The following PPP6C variants were observed in gnomAD, a reference collection of about 807,000 sequenced individuals.
The protein encoded by PPP6C is serine/threonine-protein phosphatase 6 catalytic subunit.
Under a neutral mutation model 39.8 loss-of-function variants are expected in PPP6C, and 11 were observed. The ratio of observed to expected loss-of-function variants is 0.28; its 90% CI spans 0.17 to 0.46. The LOEUF is 0.46. PPP6C is among the 20% of genes least tolerant of loss of function. PPP6C has a pLI of 1.00. For missense variants in PPP6C, 211 were observed against 373.9 expected, an observed-to-expected ratio of 0.56 and a Z score of 3.59; for synonymous variants, 129 against 130.3, an observed-to-expected ratio of 0.99 and a Z score of 0.07.
intron 2 of PPP6C, among the ~76,000 whole-genome samples, chr9:125,161,548 A>T (rs988958311): frequency 5.9e-5 from 9 of 152,010 alleles, no homozygotes; most frequent in African/African-American, 2.2e-4. Flanking sequence ...GGCTCAAGTA[A>T]CCCTCCTACC....
intron 2 of PPP6C, among the ~76,000 whole-genome samples, chr9:125,166,271 T>A (rs986716484): frequency 2.0e-5 from 3 of 152,234 alleles, no homozygotes; most frequent in African/African-American, 7.2e-5. Context: ...TCGGAAACTG[T>A]TAGCCCCATA....
Position 125,160,877 on chromosome 9 carries a change from A to G in PPP6C, c.201T>C (p.Thr67=), listed in dbSNP as rs371607394. 35 of 1,591,544 alleles carry G rather than the reference A, an allele frequency of 2.2e-5. No individual in the cohort carries two copies. In the African/African-American group the frequency reaches 4.5e-4, roughly 20 times the overall value. The part of the protein sequence containing the change: ...QFYDLCELFR[T]GGQVPDTNYI... ...AGTTTGTGTCAGGAACCTGACCTCC[A>G]GTTCTGAACAGTTCACAAAGGTCAT... The change falls in exon 3 of 7, where the codon ACT becomes ACC. Residue 67 remains threonine, a synonymous_variant. Transcript: ENST00000373547.
Position 125,189,020 on chromosome 9 carries a change from G to A in PPP6C, c.75+624C>T, listed in dbSNP as rs1346915778. The A allele has an allele frequency of 3.1e-5, 36 of 1,162,486 alleles. 1 individual carries two copies. The East Asian group carries it at 9.3e-4, about 30-fold the overall frequency. 72.0% of individuals were successfully genotyped at this position (1,162,486 alleles called of 1,614,324 possible). A position where few individuals can be genotyped will look rare whatever the true frequency, so the allele number is the denominator to read the frequency against. ...CCAACTACTTTATCCACTTCAGTAA[G>A]CTCAACAACATACTCAGAAACGGGA... On this transcript the variant is annotated intron_variant, in intron 1 of 6. Transcript: ENST00000373547.
chr9:125,173,404 CAAAAAAAA>C (rs1157793278), intron 1 of PPP6C, among the ~76,000 whole-genome samples: 3 of 50,772 alleles, frequency 5.9e-5, no homozygotes, highest in South Asian at 9.0e-4. Context: ...GACTCCCTCT[CAAAAAAAA>C]AAAAAAAAAA....
intron 1 of PPP6C, among the ~76,000 whole-genome samples, chr9:125,180,095 T>C (rs1829390863): frequency 6.6e-6 from 1 of 152,174 alleles, no homozygotes; most frequent in South Asian, 2.1e-4. Context: ...GACACTTTCA[T>C]CACCCCAAAA....
chr9:125,170,329 C>T (rs553922729), intron 2 of PPP6C, among the ~76,000 whole-genome samples: 14 of 151,942 alleles, frequency 9.2e-5, no homozygotes, highest in African/African-American at 2.7e-4. Context: ...CTTCACCTCC[C>T]GGGTTCAAGA....
In PPP6C at chr9:125,153,566, T is replaced by C. The variant is rs1836001948; in HGVS notation, c.636A>G (p.Ala212=). The C allele has an allele frequency of 1.2e-6, 2 of 1,614,190 alleles. No individual in the cohort carries two copies. Among genetic ancestry groups the C allele is most frequent in the South Asian group, 2.2e-5 (2 of 91,090 alleles). The change falls in exon 6 of 7, where the codon GCA becomes GCG. Residue 212 remains alanine (A), a synonymous_variant. Transcript: ENST00000373547. ...TGACCTTTGCTCCAAAAAGCCAACC[T>C]GCTCCTCGGGGACTGATAGCCCAGG... ...VDTWAISPRG[A]GWLFGAKVTN... is the part of the protein sequence containing the mutation.
chr9:125,151,857 T>A (rs779205471), intron 6 of PPP6C, among the ~76,000 whole-genome samples: 30 of 152,232 alleles, frequency 2.0e-4, no homozygotes, highest in Non-Finnish European at 4.3e-4. Context: ...TGTTACAAGA[T>A]TTCAGACTTT....
At chr9:125,173,333 G>C (rs1377715276) in intron 1 of PPP6C, among the ~76,000 whole-genome samples, 1 of 150,216 alleles carries the variant, frequency 6.7e-6, no homozygotes, top group South Asian at 2.1e-4. Context: ...TTGAATCTGG[G>C]AGGCAAAGGT....
In PPP6C at chr9:125,171,581, TCTCA is replaced by T. The variant is rs1186494453; in HGVS notation, c.76-405_76-402del. Reference sequence around the variant, plus strand: ...TTGTTTTTTTTTTTTTTAAACGGAGTCTCACTCTGTCTCCCAGGCTGAAATGCAG... The same window carrying T: ...TTGTTTTTTTTTTTTTTAAACGGAGTCTCTGTCTCCCAGGCTGAAATGCAG... On this transcript the variant is annotated intron_variant, in intron 1 of 6. Coordinates refer to ENST00000373547, the MANE Select transcript of PPP6C (RefSeq NM_002721.5). 2.3e-4 allele frequency among the ~76,000 whole-genome samples: 34 copies of T among 145,640 alleles called. No individual in the cohort carries two copies. In the Admixed American group the frequency reaches 2.4e-3, roughly 10 times the overall value.
At chr9:125,151,123 G>A (rs1835928780) in intron 6 of PPP6C, 4 of 1,373,076 alleles carry the variant, frequency 2.9e-6, no homozygotes, top group Admixed American at 1.7e-5. Flanking sequence ...GAATATCTCT[G>A]AGCAGAAGAA....
Position 125,147,642 on chromosome 9 carries a change from T to G in PPP6C, c.*2031A>C, listed in dbSNP as rs994583108. The stretch of plus-strand genomic sequence containing the variant: ...ACGTGCCCAACTAGTGACAAACAAA[T>G]GCAGTACACAATGACTTAAAAATAA... On this transcript the variant is annotated 3_prime_UTR_variant, in exon 7 of 7. Transcript: ENST00000373547. 3.9e-5 allele frequency: 6 copies of G among 152,168 alleles called. No homozygotes were observed. The highest frequency in any genetic ancestry group is 3.9e-4 in the Admixed American group (6 of 15,282). The allele number at this position is 152,168 out of a possible 1,614,324, so 9.4% of individuals were successfully genotyped here.
intron 2 of PPP6C, among the ~76,000 whole-genome samples, chr9:125,170,056 T>C (rs1046416654): frequency 1.1e-4 from 16 of 152,194 alleles, no homozygotes; most frequent in Non-Finnish European, 1.5e-4. Context: ...CTTTAAAGAC[T>C]ACATTGTTTG....
chr9:125,155,095 G>T (rs998599904), intron 4 of PPP6C, among the ~76,000 whole-genome samples: 1 of 151,992 alleles, frequency 6.6e-6, no homozygotes, highest in Admixed American at 6.6e-5. Flanking sequence ...GGTAGAGATG[G>T]GGATCTCCCT....
rs374674316 is a variant in PPP6C, at chr9:125,149,471, T to A, written c.*202A>T. 1.9e-5 allele frequency: 11 copies of A among 571,476 alleles called. No individual in the cohort carries two copies. The highest frequency in any genetic ancestry group is 1.3e-4 in the African/African-American group (7 of 52,794). 35.4% of individuals were successfully genotyped at this position (571,476 alleles called of 1,614,324 possible). ...AAATGAGTCCAGGGTGGGGATGGGATGGGGGAAAATTGATAGAAAAACTTT... is the reference window on the plus strand; with the variant it reads ...AAATGAGTCCAGGGTGGGGATGGGAAGGGGGAAAATTGATAGAAAAACTTT... On this transcript the variant is annotated 3_prime_UTR_variant, in exon 7 of 7. Transcript: ENST00000373547.
chr9:125,177,420 G>C (rs1485649431), intron 1 of PPP6C, among the ~76,000 whole-genome samples: 1 of 151,996 alleles, frequency 6.6e-6, no homozygotes, highest in South Asian at 2.1e-4. Flanking sequence ...TCCCCTGCTG[G>C]GCACAGTGGC....
At chr9:125,175,865 A>C (rs919513395) in intron 1 of PPP6C, among the ~76,000 whole-genome samples, 1 of 152,148 alleles carries the variant, frequency 6.6e-6, no homozygotes, top group African/African-American at 2.4e-5. Flanking sequence ...GCAACAACCA[A>C]AACAGACTAA....
At chr9:125,163,555 C>T (rs1034979630) in intron 2 of PPP6C, among the ~76,000 whole-genome samples, 1 of 152,026 alleles carries the variant, frequency 6.6e-6, no homozygotes, top group South Asian at 2.1e-4. Flanking sequence ...CTCAGCCTCC[C>T]GAGTAGCTGG....
At chr9:125,188,891 T>G in intron 1 of PPP6C, 1 of 1,539,270 alleles carries the variant, frequency 6.5e-7, no homozygotes, top group Non-Finnish European at 8.8e-7. Context: ...TTACTCTTAC[T>G]TGGACTCAGG....
Sources: gnomAD v4.1 joint callset for allele counts (sites outside exome capture counted in the v4.1 genomes callset) on GRCh38, gnomAD v4.1.1 for gene constraint, MANE v1.5 for transcripts, NCBI Gene and HGNC (gene_info 2026-07-23, HGNC 2026-07-21) for gene names.